The following PTPRN2 variants were observed in gnomAD, a reference collection of about 807,000 sequenced individuals.
PTPRN2 encodes protein tyrosine phosphatase receptor type N2, also known as receptor-type tyrosine-protein phosphatase N2.
PTPRN2 carries 74 observed loss-of-function variants against 118.8 expected under a neutral mutation model. The observed-to-expected ratio is 0.62, with a 90% CI of 0.52 to 0.76. PTPRN2 has a LOEUF of 0.76. Ranked by LOEUF, PTPRN2 falls within the 30% of genes least tolerant of loss-of-function variation. The pLI is 0.00. For missense variants in PTPRN2, 1,481 were observed against 1,394.4 expected, an observed-to-expected ratio of 1.06 and a Z score of -0.99; for synonymous variants, 641 against 608.0, an observed-to-expected ratio of 1.05 and a Z score of -0.80.
intron 1 of PTPRN2, among the ~76,000 whole-genome samples, chr7:158,557,347 G>GGCGGCTCCCGCGC (rs1827106722): frequency 4.7e-5 from 7 of 149,540 alleles, no homozygotes; most frequent in Non-Finnish European, 1.0e-4. Context: ...GCGCAGGTCA[G>GGCGGCTCCCGCGC]ACGGCTCCCA....
intron 2 of PTPRN2, among the ~76,000 whole-genome samples, chr7:158,465,413 T>A (rs1459638507): frequency 6.6e-6 from 1 of 152,220 alleles, no homozygotes; most frequent in Non-Finnish European, 1.5e-5. Flanking sequence ...TATTTACCAC[T>A]TTATCCCTGC....
chr7:157,776,522 C>CTCA (rs1803280894), intron 12 of PTPRN2, among the ~76,000 whole-genome samples: 1 of 42,432 alleles, frequency 2.4e-5, no homozygotes. Flanking sequence ...TCTCCTTCTC[C>CTCA]CTCTCCTCTC....
intron 12 of PTPRN2, among the ~76,000 whole-genome samples, chr7:157,797,917 C>T (rs950472324): frequency 3.9e-5 from 6 of 152,348 alleles, no homozygotes; most frequent in African/African-American, 9.6e-5. Flanking sequence ...GGGGACTATG[C>T]TCATCTTTCC....
At chr7:157,660,175 C>G (rs12333885) in intron 13 of PTPRN2, among the ~76,000 whole-genome samples, 4,678 of 152,258 alleles carry the variant, frequency 0.031, 249 homozygotes, top group African/African-American at 0.11. Flanking sequence ...CCAACCAAAG[C>G]ATGAGAACAG....
chr7:158,505,753 C>T (rs935151512), intron 1 of PTPRN2, among the ~76,000 whole-genome samples: 2 of 152,142 alleles, frequency 1.3e-5, no homozygotes, highest in African/African-American at 4.8e-5. Context: ...TGAGCACGCG[C>T]CTCACTCCTG....
At chr7:157,562,093 T>C (rs538327061) in intron 21 of PTPRN2, among the ~76,000 whole-genome samples, 1 of 152,160 alleles carries the variant, frequency 6.6e-6, no homozygotes, top group African/African-American at 2.4e-5. Flanking sequence ...AAGCCCTGAG[T>C]CCTGGAGCCA....
intron 11 of PTPRN2, among the ~76,000 whole-genome samples, chr7:157,939,423 C>T (rs1246465368): frequency 6.6e-6 from 1 of 152,258 alleles, no homozygotes; most frequent in Non-Finnish European, 1.5e-5. Context: ...AGAGACCAGG[C>T]CTCTGGCTGC....
intron 6 of PTPRN2, among the ~76,000 whole-genome samples, chr7:158,149,482 G>A (rs1820696392): frequency 6.6e-6 from 1 of 151,718 alleles, no homozygotes; most frequent in South Asian, 2.1e-4. Context: ...TCTAACAAAG[G>A]CAATCCAATT....
In PTPRN2 at chr7:158,544,814, C is replaced by CT. The variant is rs2129449758; in HGVS notation, c.112+42743dup. 6.6e-6 allele frequency among the ~76,000 whole-genome samples: 1 copy of CT among 152,358 alleles called. No homozygotes were observed. Among genetic ancestry groups the CT allele is most frequent in the African/African-American group, 2.4e-5 (1 of 41,586 alleles). ...AACACAGAAGCACTGTCTGGGGCAC[C>CT]TGTTGTCCTGGGGTTCAAAGCCGCT... On this transcript the variant is annotated intron_variant, in intron 1 of 22. Transcript: ENST00000389418. This position sits in a 1 kb window ranked among gnomAD's most constrained non-coding sequence, Gnocchi z 4.2.
At chr7:158,182,849 C>A (rs1824829148) in intron 5 of PTPRN2, among the ~76,000 whole-genome samples, 1 of 152,176 alleles carries the variant, frequency 6.6e-6, no homozygotes, top group Non-Finnish European at 1.5e-5. Flanking sequence ...TCCTTGTTGA[C>A]TTTCTGTCTC....
intron 2 of PTPRN2, among the ~76,000 whole-genome samples, chr7:158,317,370 C>G (rs1021597143): frequency 1.3e-5 from 2 of 152,252 alleles, no homozygotes; most frequent in South Asian, 4.1e-4. Flanking sequence ...CAAGGATCGG[C>G]GGAGACGCCT....
At chr7:158,448,464 C>A (rs1286133821) in intron 2 of PTPRN2, among the ~76,000 whole-genome samples, 1 of 151,434 alleles carries the variant, frequency 6.6e-6, no homozygotes, top group Non-Finnish European at 1.5e-5. Flanking sequence ...TCCGCAGACC[C>A]AGGTCTGGGC....
At chr7:157,568,836 C>T (rs1799616980) in intron 21 of PTPRN2, 66 bp downstream of exon 21, 1 of 1,483,038 alleles carries the variant, frequency 6.7e-7, no homozygotes, top group Non-Finnish European at 9.4e-7. Flanking sequence ...ACACGGCACC[C>T]TACGTTGCCA....
At chr7:157,580,401 GCC>G (rs1331946212) in intron 17 of PTPRN2, among the ~76,000 whole-genome samples, 1 of 151,958 alleles carries the variant, frequency 6.6e-6, no homozygotes, top group Non-Finnish European at 1.5e-5. Flanking sequence ...AGAGAACACG[GCC>G]CCCATGGCCA....
At chr7:158,124,935 C>A (rs376344661) in intron 9 of PTPRN2, among the ~76,000 whole-genome samples, 2 of 152,184 alleles carry the variant, frequency 1.3e-5, no homozygotes, top group Non-Finnish European at 2.9e-5. Context: ...GATGCTGGTG[C>A]GCAAGAGAGA....
intron 12 of PTPRN2, among the ~76,000 whole-genome samples, chr7:157,844,882 C>A (rs554582823): frequency 6.6e-6 from 1 of 152,206 alleles, no homozygotes; most frequent in Non-Finnish European, 1.5e-5. Flanking sequence ...TGCTCGTGTC[C>A]GTGCACTGTG....
chr7:158,276,204 T>C (rs10233339), intron 3 of PTPRN2, among the ~76,000 whole-genome samples: 54,189 of 101,296 alleles, frequency 0.53, 16,364 homozygotes, highest in South Asian at 0.68. Context: ...GCTCCTGCCC[T>C]GGCCCCGGCA....
Position 157,577,719 on chromosome 7 carries a change from A to C in PTPRN2, c.2616+302T>G, listed in dbSNP as rs186077552. On this transcript the variant is annotated intron_variant, in intron 18 of 22. Transcript: ENST00000389418. ...ATCATTTGGATTTAGAAAAATCTAA[A>C]AGATAAAAACCACACCACACTCCCA... 2.6e-5 allele frequency among the ~76,000 whole-genome samples: 4 copies of C among 152,350 alleles called. No individual in the cohort carries two copies. In the East Asian group the frequency reaches 7.7e-4, roughly 29 times the overall value.
At chr7:157,932,500 G>T (rs1189676405) in intron 11 of PTPRN2, among the ~76,000 whole-genome samples, 2 of 152,092 alleles carry the variant, frequency 1.3e-5, no homozygotes, top group African/African-American at 4.8e-5. Context: ...TTAGAGTAGG[G>T]GTGACTCACT....
Sources: allele counts gnomAD v4.1 joint callset (sites outside exome capture counted in the v4.1 genomes callset), GRCh38; gene constraint gnomAD v4.1.1; non-coding constraint Gnocchi (gnomAD v3.1); transcripts MANE v1.5; gene names NCBI Gene and HGNC (gene_info 2026-07-23, HGNC 2026-07-21).